GABBR2: variants seen among roughly 807,000 people sequenced by gnomAD.
GABBR2 encodes the protein gamma-aminobutyric acid type B receptor subunit 2.
Under a neutral mutation model 105.6 loss-of-function variants are expected in GABBR2, and 23 were observed. That is an observed-to-expected ratio of 0.22 (90% CI 0.16 to 0.31). GABBR2 has a LOEUF of 0.31. Among genes scored for constraint, GABBR2 ranks in the 10% least tolerant of loss-of-function variants. The pLI, the probability that GABBR2 is intolerant of heterozygous loss-of-function variation, is 1.00. For missense variants in GABBR2, 734 were observed against 1,245.5 expected (o/e 0.59, Z 6.18); for synonymous variants, 478 against 499.7 (o/e 0.96, Z 0.58).
intron 1 of GABBR2, among the ~76,000 whole-genome samples, chr9:98,596,537 C>T (rs1829237175): frequency 6.6e-6 from 1 of 152,184 alleles, no homozygotes; most frequent in South Asian, 2.1e-4. Flanking sequence ...AGGGGGATAT[C>T]CTCAAAGCCC....
intron 1 of GABBR2, among the ~76,000 whole-genome samples, chr9:98,595,961 C>T (rs1266316029): frequency 6.6e-6 from 1 of 152,206 alleles, no homozygotes; most frequent in Non-Finnish European, 1.5e-5. Flanking sequence ...ATCCCCTTTG[C>T]CTGGCCAAGT....
intron 11 of GABBR2, among the ~76,000 whole-genome samples, chr9:98,378,865 C>T (rs1251853289): frequency 6.6e-6 from 1 of 152,186 alleles, no homozygotes; most frequent in African/African-American, 2.4e-5. Context: ...TCACTGAGTG[C>T]CACACTTATA....
At chr9:98,304,171 G>A (rs1830513560) in intron 15 of GABBR2, 1 of 152,536 alleles carries the variant, frequency 6.6e-6, no homozygotes, top group Non-Finnish European at 1.5e-5. Context: ...CAGGCCAGCG[G>A]GTATCAGGGA....
chr9:98,590,885 G>A (rs1476100824), intron 1 of GABBR2, among the ~76,000 whole-genome samples: 2 of 152,212 alleles, frequency 1.3e-5, no homozygotes, highest in Admixed American at 6.5e-5. Context: ...GTAGTAAATG[G>A]TGTAATGGAG....
chr9:98,417,067 G>C (rs888515557), intron 7 of GABBR2, among the ~76,000 whole-genome samples: 1 of 152,140 alleles, frequency 6.6e-6, no homozygotes, highest in Non-Finnish European at 1.5e-5. Flanking sequence ...TATGGTAATT[G>C]CCTCCTGCTG....
intron 1 of GABBR2, among the ~76,000 whole-genome samples, chr9:98,627,596 T>G (rs1402589156): frequency 6.6e-6 from 1 of 152,204 alleles, no homozygotes; most frequent in African/African-American, 2.4e-5. Context: ...AGAAAGGCTA[T>G]GTTGTGAAGT....
intron 6 of GABBR2, among the ~76,000 whole-genome samples, chr9:98,460,398 G>C (rs181025738): frequency 1.3e-5 from 2 of 152,050 alleles, no homozygotes; most frequent in East Asian, 3.9e-4. Context: ...AAATAAAATA[G>C]CAAGGTTTGT....
intron 5 of GABBR2, among the ~76,000 whole-genome samples, chr9:98,478,253 C>G (rs1048767241): frequency 6.6e-6 from 1 of 152,216 alleles, no homozygotes; most frequent in East Asian, 1.9e-4. Flanking sequence ...GGTCTCTGCT[C>G]TGACTCCAAT....
intron 1 of GABBR2, among the ~76,000 whole-genome samples, chr9:98,666,239 A>G (rs1830331390): frequency 6.6e-6 from 1 of 152,218 alleles, no homozygotes; most frequent in Non-Finnish European, 1.5e-5. Flanking sequence ...AAGGAACCTA[A>G]CGAACCCAAA....
chr9:98,670,268 C>T (rs1159963746), intron 1 of GABBR2, among the ~76,000 whole-genome samples: 1 of 145,358 alleles, frequency 6.9e-6, no homozygotes, highest in African/African-American at 2.7e-5. Flanking sequence ...TTTTCGTCAC[C>T]TCAAAAAAAA....
intron 1 of GABBR2, among the ~76,000 whole-genome samples, chr9:98,600,026 G>T (rs939407163): frequency 9.9e-5 from 15 of 152,184 alleles, no homozygotes; most frequent in African/African-American, 3.4e-4. Context: ...GCTAATTGCT[G>T]AAGCTGGGGG....
chr9:98,298,581 AT>A (rs999566755), intron 17 of GABBR2, among the ~76,000 whole-genome samples: 4 of 151,928 alleles, frequency 2.6e-5, no homozygotes, highest in African/African-American at 9.7e-5. Context: ...AACCTTTAAA[AT>A]TTTTTTTCTA....
At chr9:98,405,318 G>T (rs1832471059) in intron 8 of GABBR2, among the ~76,000 whole-genome samples, 1 of 152,134 alleles carries the variant, frequency 6.6e-6, no homozygotes, top group South Asian at 2.1e-4. Flanking sequence ...TACTTAGGAG[G>T]CTGAGGTGGG....
At chr9:98,695,810 G>A (rs999820752) in intron 1 of GABBR2, among the ~76,000 whole-genome samples, 3 of 152,116 alleles carry the variant, frequency 2.0e-5, no homozygotes, top group Admixed American at 6.5e-5. Flanking sequence ...GTTGACCGAT[G>A]CCCAGTGTCT....
At chr9:98,399,732 G>A (rs1280644697) in intron 8 of GABBR2, among the ~76,000 whole-genome samples, 1 of 134,098 alleles carries the variant, frequency 7.5e-6, no homozygotes, top group Non-Finnish European at 1.5e-5. Flanking sequence ...GAACTTGAAG[G>A]CTCAACCAGG....
At chr9:98,457,743 C>T (rs1826351304) in intron 6 of GABBR2, among the ~76,000 whole-genome samples, 1 of 152,132 alleles carries the variant, frequency 6.6e-6, no homozygotes, top group Non-Finnish European at 1.5e-5. Context: ...ACATGATATC[C>T]CAGGCCATTC....
intron 1 of GABBR2, among the ~76,000 whole-genome samples, chr9:98,597,359 T>C (rs1327695086): frequency 6.6e-6 from 1 of 152,106 alleles, no homozygotes. Flanking sequence ...CCCACTAGGG[T>C]GGCAATAACA....
chr9:98,578,870 T>C (rs1399669073), intron 1 of GABBR2, among the ~76,000 whole-genome samples: 3 of 152,194 alleles, frequency 2.0e-5, no homozygotes, highest in Non-Finnish European at 4.4e-5. Context: ...AAGACAGCTA[T>C]TATATGATCC....
intron 6 of GABBR2, among the ~76,000 whole-genome samples, chr9:98,468,308 G>A (rs1343847494): frequency 1.3e-5 from 2 of 152,196 alleles, no homozygotes; most frequent in African/African-American, 4.8e-5. Flanking sequence ...AATGCATCCA[G>A]GAGGTGCCAC....
Sources: allele counts gnomAD v4.1 joint callset (sites outside exome capture counted in the v4.1 genomes callset), GRCh38; gene constraint gnomAD v4.1.1; transcripts MANE v1.5; gene names NCBI Gene and HGNC (gene_info 2026-07-23, HGNC 2026-07-21).